SUMF1: variants seen among roughly 807,000 people sequenced by gnomAD.
SUMF1 encodes the protein formylglycine-generating enzyme.
Under a neutral mutation model 47.6 loss-of-function variants are expected in SUMF1, and 48 were observed. The observed-to-expected ratio is 1.01, with a 90% CI of 0.80 to 1.28. The LOEUF (loss-of-function observed/expected upper bound fraction) is 1.28. Ranked by LOEUF, SUMF1 falls within the 50% of genes most tolerant of loss-of-function variation. The pLI is 0.00. For missense variants in SUMF1, 571 were observed against 485.4 expected, an observed-to-expected ratio of 1.18 and a Z score of -1.66; for synonymous variants, 230 against 192.1, an observed-to-expected ratio of 1.20 and a Z score of -1.63.
At chr3:4,099,125 T>A (rs1399591830) in intron 8 of SUMF1, among the ~76,000 whole-genome samples, 1 of 152,098 alleles carries the variant, frequency 6.6e-6, no homozygotes, top group Non-Finnish European at 1.5e-5. Flanking sequence ...TAATGGTGGC[T>A]TGGGTATAAT....
At chr3:4,302,930 C>A (rs975513315) in intron 8 of SUMF1, among the ~76,000 whole-genome samples, 2 of 152,152 alleles carry the variant, frequency 1.3e-5, no homozygotes, top group Non-Finnish European at 2.9e-5. Context: ...GTGAGGCTAT[C>A]GCCTTGGCAC....
Position 4,134,681 on chromosome 3 carries a change from G to T in SUMF1, c.1015-65936C>A, listed in dbSNP as rs182301563. 1.4e-4 allele frequency among the ~76,000 whole-genome samples: 21 copies of T among 152,146 alleles called. No homozygotes were observed. In the East Asian group the frequency reaches 4.1e-3, roughly 29 times the overall value. On this transcript the variant is annotated intron_variant and NMD_transcript_variant, in intron 8 of 12. Coordinates refer to the SUMF1 transcript ENST00000448413. ...CCCTTCAAAAAATTAACGAATCCAGGAGCTGGTTTTTTGAAAAGATCAACA... is the reference window on the plus strand; with the variant it reads ...CCCTTCAAAAAATTAACGAATCCAGTAGCTGGTTTTTTGAAAAGATCAACA...
At chr3:4,118,746 C>A (rs1693475333) in intron 8 of SUMF1, among the ~76,000 whole-genome samples, 1 of 151,954 alleles carries the variant, frequency 6.6e-6, no homozygotes, top group African/African-American at 2.4e-5. Context: ...CACTCCCCAA[C>A]CCTCCCTTAA....
At position 4,280,270 on chromosome 3, in the gene SUMF1, A is replaced by G. The variant is rs182823960; in HGVS notation, c.1014+96060T>C. ...AGAGGCATTTTATAAATGCACTACA[A>G]ATGTAACCAAAGATGTAATCAAGAA... On this transcript the variant is annotated intron_variant and NMD_transcript_variant, in intron 8 of 12. Transcript: ENST00000448413. 3.9e-5 allele frequency among the ~76,000 whole-genome samples: 6 copies of G among 152,310 alleles called. No homozygotes were observed. The East Asian group carries it at 1.2e-3, about 29-fold the overall frequency.
Position 4,400,589 on chromosome 3 carries a change from T to C in SUMF1, c.954+10276A>G, listed in dbSNP as rs909921732. ...GGGGAAAGGATTTTCCAAAGGGAGA[T>C]GTTCCAACCAAGAGGCGCTTAGAAA... On this transcript the variant is annotated intron_variant, in intron 7 of 8. Coordinates refer to ENST00000272902, the MANE Select transcript of SUMF1 (RefSeq NM_182760.4). Among the ~76,000 whole-genome samples, 4 of 152,364 alleles carry C rather than the reference T, an allele frequency of 2.6e-5. 1 individual carries two copies. In the South Asian group the frequency reaches 6.2e-4, roughly 24 times the overall value.
intron 8 of SUMF1, among the ~76,000 whole-genome samples, chr3:4,335,469 C>G (rs1476942749): frequency 6.6e-5 from 10 of 152,320 alleles, no homozygotes; most frequent in African/African-American, 1.9e-4. Context: ...CTAAAGGCTA[C>G]TCTCCACCAT....
chr3:4,241,599 A>C (rs1015937956), intron 8 of SUMF1, among the ~76,000 whole-genome samples: 1 of 152,176 alleles, frequency 6.6e-6, no homozygotes, highest in Non-Finnish European at 1.5e-5. Context: ...GTATTTTATA[A>C]TAAAATTTTC....
At chr3:4,312,983 C>T in intron 8 of SUMF1, 1 of 1,613,990 alleles carries the variant, frequency 6.2e-7, no homozygotes, top group Non-Finnish European at 8.5e-7. Flanking sequence ...GTCAAAACTC[C>T]CTGCCTCCCT....
chr3:4,284,469 AG>A (rs1410791919), intron 8 of SUMF1, among the ~76,000 whole-genome samples: 8 of 144,532 alleles, frequency 5.5e-5, no homozygotes, highest in African/African-American at 2.0e-4. Flanking sequence ...GAGGAGGAGG[AG>A]GAGAAGGAGG....
intron 8 of SUMF1, among the ~76,000 whole-genome samples, chr3:4,197,177 G>A (rs971467598): frequency 6.6e-5 from 10 of 152,116 alleles, no homozygotes; most frequent in African/African-American, 1.7e-4. Flanking sequence ...ACAGTGGCAC[G>A]ATCACAGCTC....
chr3:4,206,578 G>C (rs1695657865), intron 8 of SUMF1, among the ~76,000 whole-genome samples: 1 of 152,124 alleles, frequency 6.6e-6, no homozygotes, highest in Non-Finnish European at 1.5e-5. Context: ...GCCAGAAGAT[G>C]TGGCAAGGGT....
chr3:4,326,800 C>T (rs1960360), intron 8 of SUMF1, among the ~76,000 whole-genome samples: 225 of 152,222 alleles, frequency 1.5e-3, no homozygotes, highest in South Asian at 3.5e-3. Context: ...GGATTACAGA[C>T]ATAAGCCACC....
At position 4,395,759 on chromosome 3, in the gene SUMF1, AT is replaced by A. The variant is rs552157523; in HGVS notation, c.954+15105del. Among the ~76,000 whole-genome samples, 332 of 152,278 alleles carry A rather than the reference AT, an allele frequency of 2.2e-3. 2 individuals are homozygous for A. Among genetic ancestry groups the A allele is most frequent in the Non-Finnish European group, 4.1e-3 (281 of 68,016 alleles). On this transcript the variant is annotated intron_variant, in intron 7 of 8. Coordinates refer to ENST00000272902, the MANE Select transcript of SUMF1 (RefSeq NM_182760.4). ...CTTGCTTATACCACGGTGGCTCCTG[AT>A]TTTCCAATAATATAAGTCACTTTCA... is the stretch of plus-strand genomic sequence containing the variant.
chr3:4,150,690 T>A (rs1314956907), intron 8 of SUMF1, among the ~76,000 whole-genome samples: 1 of 151,658 alleles, frequency 6.6e-6, no homozygotes, highest in Non-Finnish European at 1.5e-5. Flanking sequence ...AGGCTTCAAC[T>A]TTATTTTTAA....
At chr3:4,237,525 A>G (rs1335709660) in intron 8 of SUMF1, among the ~76,000 whole-genome samples, 1 of 152,126 alleles carries the variant, frequency 6.6e-6, no homozygotes, top group Non-Finnish European at 1.5e-5. Context: ...TATTTTAGAT[A>G]ATAGTCCTTT....
chr3:4,316,738 A>C, intron 8 of SUMF1: 3 of 1,550,834 alleles, frequency 1.9e-6, no homozygotes, highest in Non-Finnish European at 2.6e-6. Context: ...GATCAAGAAG[A>C]AGCTCCAAAG....
Position 4,420,054 on chromosome 3 carries a change from C to A in SUMF1, c.602+10G>T, listed in dbSNP as rs376667963. ...AACTTGTCAACTGGGGAAAGAGGGACCAGCCTCACCTGTGCAGAATAGTAG... is the reference window on the plus strand; with the variant it reads ...AACTTGTCAACTGGGGAAAGAGGGAACAGCCTCACCTGTGCAGAATAGTAG... On this transcript the variant is annotated intron_variant, in intron 4 of 8. Transcript: ENST00000272902. 63 of 1,613,264 alleles carry A rather than the reference C, an allele frequency of 3.9e-5. No homozygotes were observed. The highest frequency in any genetic ancestry group is 5.0e-5 in the Non-Finnish European group (59 of 1,179,378).
chr3:4,212,547 G>A (rs1695823019), intron 8 of SUMF1, among the ~76,000 whole-genome samples: 1 of 152,144 alleles, frequency 6.6e-6, no homozygotes, highest in South Asian at 2.1e-4. Flanking sequence ...AGCAAAAATG[G>A]ACAGAGAATG....
Position 4,050,209 on chromosome 3 carries a change from T to C in SUMF1, c.1191+18360A>G, listed in dbSNP as rs543249894. Among the ~76,000 whole-genome samples, 4 of 151,954 alleles carry C rather than the reference T, an allele frequency of 2.6e-5. No homozygotes were observed. In the South Asian group the frequency reaches 8.3e-4, roughly 32 times the overall value. On this transcript the variant is annotated intron_variant and NMD_transcript_variant, in intron 9 of 12. Transcript: ENST00000448413. Reference sequence around the variant, plus strand: ...GTATCCTGGCTTGATAGTGGGGCACTTGCCAGGGAACCACCCTTTTCTACC... The same window carrying C: ...GTATCCTGGCTTGATAGTGGGGCACCTGCCAGGGAACCACCCTTTTCTACC...
Sources: allele counts gnomAD v4.1 joint callset (sites outside exome capture counted in the v4.1 genomes callset), GRCh38; gene constraint gnomAD v4.1.1; transcripts MANE v1.5; gene names NCBI Gene and HGNC (gene_info 2026-07-23, HGNC 2026-07-21).